SNTG1: variants seen among roughly 807,000 people sequenced by gnomAD.
SNTG1 encodes syntrophin gamma 1.
A neutral mutation model predicts 74.7 loss-of-function variants in SNTG1; 39 were observed. The ratio of observed to expected loss-of-function variants is 0.52; its 90% CI spans 0.40 to 0.68. SNTG1 has a LOEUF of 0.68. Ranked by LOEUF, SNTG1 falls within the 30% of genes least tolerant of loss-of-function variation. The probability of loss-of-function intolerance (pLI) is 0.00; values close to 1 mark genes in which losing one functional copy is unlikely to be tolerated. For synonymous variants in SNTG1, 254 were observed against 217.1 expected, an observed-to-expected ratio of 1.17 and a Z score of -1.49; for missense variants, 685 against 609.5, an observed-to-expected ratio of 1.12 and a Z score of -1.30.
chr8:50,424,591 G>A (rs1701138810), intron 4 of SNTG1, among the ~76,000 whole-genome samples: 1 of 152,172 alleles, frequency 6.6e-6, no homozygotes, highest in African/African-American at 2.4e-5. Flanking sequence ...AGGACTCAGG[G>A]CAACAGCTGT....
chr8:50,103,402 A>G lies in SNTG1; in HGVS notation c.-102-69159A>G, dbSNP rs1369825049. Among the ~76,000 whole-genome samples, 4 of 152,128 alleles carry G rather than the reference A, an allele frequency of 2.6e-5. No individual in the cohort carries two copies. In the South Asian group the frequency reaches 8.3e-4, roughly 32 times the overall value. ...ATAAGAATGCTTGTGATTTTTGTAC[A>G]TTGATTTTGTATCCTGAGATTTTGC... On this transcript the variant is annotated intron_variant, in intron 1 of 18. Coordinates refer to ENST00000642720, the MANE Select transcript of SNTG1 (RefSeq NM_018967.5).
In SNTG1 at chr8:50,143,340, A is replaced by G. The variant is rs574919582; in HGVS notation, c.-102-29221A>G. Among the ~76,000 whole-genome samples, 15 of 152,274 alleles carry G rather than the reference A, an allele frequency of 9.9e-5. No individual in the cohort carries two copies. The East Asian group carries it at 1.7e-3, about 18-fold the overall frequency. On this transcript the variant is annotated intron_variant, in intron 1 of 18. Coordinates refer to ENST00000642720, the MANE Select transcript of SNTG1 (RefSeq NM_018967.5). ...TTTGTACTACTAAATTTTTATTGAG[A>G]AAAACGTTGTGTTTGTTCCTTATCC...
chr8:50,320,389 G>T (rs2090479187), intron 2 of SNTG1, among the ~76,000 whole-genome samples: 1 of 151,546 alleles, frequency 6.6e-6, no homozygotes, highest in Non-Finnish European at 1.5e-5. Context: ...TATTTATTTG[G>T]ATTTTTTTCT....
intron 2 of SNTG1, among the ~76,000 whole-genome samples, chr8:50,374,343 A>T (rs1349300328): frequency 6.6e-6 from 1 of 152,248 alleles, no homozygotes; most frequent in African/African-American, 2.4e-5. Flanking sequence ...AGAGCATAAT[A>T]ACTAAGTAAA....
chr8:50,734,872 G>A lies in SNTG1; in HGVS notation c.1285-17129G>A, dbSNP rs28666443. Among the ~76,000 whole-genome samples, 1,008 of 107,582 alleles carry A rather than the reference G, an allele frequency of 9.4e-3. 40 individuals are homozygous for A. The highest frequency in any genetic ancestry group is 0.015 in the Non-Finnish European group (790 of 52,896). 70.6% of individuals were successfully genotyped at this position (107,582 alleles called of 152,430 possible). The stretch of plus-strand genomic sequence containing the variant: ...GGACATATATATATCTATATATATG[G>A]ACATATATATATCTATATATATGGA... On this transcript the variant is annotated intron_variant, in intron 17 of 18. Transcript: ENST00000642720.
chr8:50,321,801 A>G (rs941257512), intron 2 of SNTG1, among the ~76,000 whole-genome samples: 1 of 152,170 alleles, frequency 6.6e-6, no homozygotes, highest in Non-Finnish European at 1.5e-5. Flanking sequence ...AAGCAAAAAG[A>G]AAACTAATAT....
intron 11 of SNTG1, among the ~76,000 whole-genome samples, chr8:50,542,776 A>G (rs1026585540): frequency 7.9e-5 from 12 of 152,132 alleles, no homozygotes; most frequent in Non-Finnish European, 1.3e-4. Flanking sequence ...TCTTTCATAT[A>G]TAAGCCATTT....
intron 1 of SNTG1, among the ~76,000 whole-genome samples, chr8:50,009,533 C>T (rs1461316424): frequency 2.6e-5 from 4 of 152,102 alleles, no homozygotes; most frequent in African/African-American, 4.8e-5. Context: ...TAGTTTCATA[C>T]ATTCTAGGGT....
intron 1 of SNTG1, among the ~76,000 whole-genome samples, chr8:50,113,491 G>A (rs570528902): frequency 1.2e-4 from 19 of 152,130 alleles, no homozygotes; most frequent in Admixed American, 4.6e-4. Flanking sequence ...GGGCTGAGAC[G>A]ATGGGGTTTT....
At chr8:50,373,071 A>G (rs2131164874) in intron 2 of SNTG1, among the ~76,000 whole-genome samples, 1 of 152,344 alleles carries the variant, frequency 6.6e-6, no homozygotes, top group African/African-American at 2.4e-5. Context: ...GAAATTATCT[A>G]CAGAGAACAG....
chr8:50,464,252 C>T (rs2093590700), intron 8 of SNTG1, among the ~76,000 whole-genome samples: 1 of 152,186 alleles, frequency 6.6e-6, no homozygotes, highest in Admixed American at 6.5e-5. Context: ...TAATTTCCTT[C>T]AATAACTTTT....
Position 50,564,144 on chromosome 8 carries a change from C to A in SNTG1, c.810+10965C>A, listed in dbSNP as rs148716737. ...TTTTTTTTTTTTAAAATAGAAATAT[C>A]ACTGACTCCTTTCTGTTTCTCTCTG... is the stretch of plus-strand genomic sequence containing the variant. On this transcript the variant is annotated intron_variant, in intron 12 of 18. Coordinates refer to ENST00000642720, the MANE Select transcript of SNTG1 (RefSeq NM_018967.5). Among the ~76,000 whole-genome samples, 810 of 150,816 alleles carry A rather than the reference C, an allele frequency of 5.4e-3. 7 individuals are homozygous for A. Among genetic ancestry groups the A allele is most frequent in the African/African-American group, 0.018 (751 of 40,950 alleles).
At chr8:50,090,409 G>T (rs1220838640) in intron 1 of SNTG1, among the ~76,000 whole-genome samples, 1 of 152,112 alleles carries the variant, frequency 6.6e-6, no homozygotes, top group Non-Finnish European at 1.5e-5. Flanking sequence ...TGGTTTTCAT[G>T]CAAGACAGGC....
intron 2 of SNTG1, among the ~76,000 whole-genome samples, chr8:50,380,214 AACAAAAAATTCAC>A (rs1402598571): frequency 6.6e-6 from 1 of 152,236 alleles, no homozygotes; most frequent in Admixed American, 6.5e-5. Context: ...TTGTTAAATG[AACAAAAAATTCAC>A]ACAAAATGAA....
At chr8:50,536,602 G>T in intron 10 of SNTG1, 76 bp from the exon 11 acceptor site, 1 of 1,529,766 alleles carries the variant, frequency 6.5e-7, no homozygotes, top group Non-Finnish European at 8.9e-7. Context: ...ATATCCCCCA[G>T]ATAAAAGGGG....
At chr8:50,165,602 G>A (rs921892824) in intron 1 of SNTG1, among the ~76,000 whole-genome samples, 8 of 152,100 alleles carry the variant, frequency 5.3e-5, no homozygotes, top group Admixed American at 2.0e-4. Context: ...CATCGACCAT[G>A]TTCTGCATAT....
At chr8:50,585,175 T>G (rs916467478) in intron 12 of SNTG1, among the ~76,000 whole-genome samples, 5 of 152,214 alleles carry the variant, frequency 3.3e-5, no homozygotes, top group African/African-American at 1.2e-4. Context: ...TGAATTTATC[T>G]TCTGTTTTTC....
Position 50,098,738 on chromosome 8 carries a change from T to C in SNTG1, c.-102-73823T>C, listed in dbSNP as rs908512152. The stretch of plus-strand genomic sequence containing the variant: ...AACAAGTTATGTGTTTGAATATCAG[T>C]CCTTATTTATAAGCCATATAATTTT... On this transcript the variant is annotated intron_variant, in intron 1 of 18. Transcript: ENST00000642720. Among the ~76,000 whole-genome samples the C allele has an allele frequency of 1.6e-4, 24 of 152,168 alleles. 1 individual carries two copies. Among genetic ancestry groups the C allele is most frequent in the African/African-American group, 5.8e-4 (24 of 41,448 alleles).
intron 1 of SNTG1, among the ~76,000 whole-genome samples, chr8:50,063,975 C>T (rs569930491): frequency 3.9e-5 from 6 of 152,258 alleles, no homozygotes; most frequent in African/African-American, 9.6e-5. Context: ...AGTTCATTTT[C>T]CATCTATAGC....
Sources: allele counts gnomAD v4.1 joint callset (sites outside exome capture counted in the v4.1 genomes callset), GRCh38; gene constraint gnomAD v4.1.1; transcripts MANE v1.5; gene names NCBI Gene and HGNC (gene_info 2026-07-23, HGNC 2026-07-21).